SPTBN4: variants seen among roughly 807,000 people sequenced by gnomAD.
The protein encoded by SPTBN4 is spectrin beta chain, non-erythrocytic 4.
In SPTBN4, 96 loss-of-function variants were observed where a neutral mutation model predicts 277.8. The ratio of observed to expected loss-of-function variants is 0.35; its 90% CI spans 0.29 to 0.41. The LOEUF (loss-of-function observed/expected upper bound fraction) is 0.41. Among genes scored for constraint, SPTBN4 ranks in the 10% least tolerant of loss-of-function variants. The probability of loss-of-function intolerance (pLI) is 1.00; values close to 1 mark genes in which losing one functional copy is unlikely to be tolerated. For missense variants in SPTBN4, 3,006 were observed against 3,595.7 expected (o/e 0.84, Z 4.19); for synonymous variants, 1,481 against 1,580.3 (o/e 0.94, Z 1.49).
At chr19:40,525,806 G>A (rs1359961415) in intron 17 of SPTBN4, among the ~76,000 whole-genome samples, 1 of 152,194 alleles carries the variant, frequency 6.6e-6, no homozygotes, top group Non-Finnish European at 1.5e-5. Context: ...AGGCAGAAAG[G>A]TCAGGGCCCG....
rs763564291 is a variant in SPTBN4, at chr19:40,519,545, C to G, written c.3048C>G (p.Ala1016=). The G allele has an allele frequency of 1.3e-6, 2 of 1,576,144 alleles. No individual in the cohort carries two copies. Among genetic ancestry groups the G allele is most frequent in the African/African-American group, 1.4e-5 (1 of 72,466 alleles). The change falls in exon 16 of 36, where the codon GCC becomes GCG. Residue 1016 remains alanine (A), a synonymous_variant. Transcript: ENST00000598249. The surrounding 1 kb of genome is among the most constrained non-coding windows in gnomAD (Gnocchi z 5.7). The stretch of plus-strand genomic sequence containing the variant: ...GAGCTGTGGAGAGCGCGCCCCGGGC[C>G]GGCGGCGCCCTGCAGTGGCGTCTTA... ...KRRAVESAPR[A]GGALQWRLSG... is the part of the protein sequence containing the mutation.
chr19:40,570,784 C>T (rs1228961336), intron 33 of SPTBN4, 56 bp downstream of exon 33: 3 of 1,561,992 alleles, frequency 1.9e-6, no homozygotes, highest in East Asian at 2.3e-5. Flanking sequence ...GTGACCATTG[C>T]GTGGAGCGGT....
At chr19:40,534,047 C>T in intron 19 of SPTBN4, 33 bp from the exon 20 acceptor site, 1 of 1,575,096 alleles carries the variant, frequency 6.3e-7, no homozygotes, top group Non-Finnish European at 8.6e-7. Context: ...TATCTATCTT[C>T]TCCATCTCCT....
rs1410572863 is a variant in SPTBN4 at position 40,513,209 on chromosome 19, C to G, written c.2420C>G (p.Ser807Cys). 1 of 1,504,860 alleles carries G rather than the reference C, an allele frequency of 6.6e-7. No individual in the cohort carries two copies. Among genetic ancestry groups the G allele is most frequent in the East Asian group, 2.7e-5 (1 of 36,972 alleles). The allele number at this position is 1,504,860 out of a possible 1,614,324, so 93.2% of individuals were successfully genotyped here. The change falls in exon 14 of 36, where the codon TCC becomes TGC. Residue 807 changes from serine to cysteine, a missense_variant. Ser to Cys is a moderately radical substitution (Grantham distance 112). Around this residue, in one of 5 missense-constraint regions of SPTBN4, gnomAD observed 1,759 missense variants for 2,061.5 expected, o/e 0.85. Coordinates refer to ENST00000598249, the MANE Select transcript of SPTBN4 (RefSeq NM_020971.3). The part of the protein sequence containing the change: ...AAGDFGHDEA[S>C]SRRLARQHRA... ...GGTGACTTCGGCCACGACGAAGCTT[C>G]CAGCCGCCGCCTGGCGCGCCAGCAC...
chr19:40,570,633 C>A lies in SPTBN4; in HGVS notation c.7224C>A (p.Ala2408=). The change falls in exon 33 of 36, where the codon GCC becomes GCA. Residue 2408 remains alanine (A), a synonymous_variant. Coordinates refer to ENST00000598249, the MANE Select transcript of SPTBN4 (RefSeq NM_020971.3). ...SRSAPAQGGS[A]PAPPPPPTHT... is the part of the protein sequence containing the mutation. Reference sequence around the variant, plus strand: ...CCGCCCCGGCCCAGGGCGGCTCCGCCCCCGCGCCTCCGCCACCGCCCACTC... The same window carrying A: ...CCGCCCCGGCCCAGGGCGGCTCCGCACCCGCGCCTCCGCCACCGCCCACTC... 6.7e-7 allele frequency: 1 copy of A among 1,494,334 alleles called. No homozygotes were observed. Among genetic ancestry groups the A allele is most frequent in the South Asian group, 1.3e-5 (1 of 78,956 alleles). 92.6% of individuals were successfully genotyped at this position (1,494,334 alleles called of 1,614,324 possible). A position where few individuals can be genotyped will look rare whatever the true frequency, so the allele number is the denominator to read the frequency against.
At chr19:40,495,005 C>T in intron 6 of SPTBN4, 28 bp downstream of exon 6, 1 of 1,608,908 alleles carries the variant, frequency 6.2e-7, no homozygotes, top group Non-Finnish European at 8.5e-7. Context: ...ACAGCCCAGT[C>T]CTGCCCTTCA....
At chr19:40,480,551 A>G (rs2079999689) in intron 2 of SPTBN4, among the ~76,000 whole-genome samples, 1 of 152,174 alleles carries the variant, frequency 6.6e-6, no homozygotes, top group Non-Finnish European at 1.5e-5. Flanking sequence ...TGGTGTTTTA[A>G]CTTTCTGTAA....
At chr19:40,550,704 G>T (rs1424200596) in intron 22 of SPTBN4, among the ~76,000 whole-genome samples, 1 of 151,682 alleles carries the variant, frequency 6.6e-6, no homozygotes, top group East Asian at 1.9e-4. Flanking sequence ...ACGGCGGGGG[G>T]TGGGGTGTTT....
In SPTBN4 at chr19:40,560,007, A is replaced by T. The variant is rs1288565760; in HGVS notation, c.5671-152A>T. Reference sequence around the variant, plus strand: ...GTCAGAATGCGGGTAAGTCAAAGAGAAATCAGGCAGCAGATATGACAGGAG... The same window carrying T: ...GTCAGAATGCGGGTAAGTCAAAGAGTAATCAGGCAGCAGATATGACAGGAG... On this transcript the variant is annotated intron_variant, in intron 26 of 35. Transcript: ENST00000598249. This position sits in a 1 kb window ranked among gnomAD's most constrained non-coding sequence, Gnocchi z 5.2. 2.8e-6 allele frequency: 4 copies of T among 1,422,752 alleles called. No individual in the cohort carries two copies. Among genetic ancestry groups the T allele is most frequent in the South Asian group, 1.5e-5 (1 of 66,086 alleles). The allele number at this position is 1,422,752 out of a possible 1,614,324, so 88.1% of individuals were successfully genotyped here.
intron 30 of SPTBN4, among the ~76,000 whole-genome samples, chr19:40,567,340 A>C (rs964935764): frequency 1.3e-5 from 2 of 151,516 alleles, no homozygotes; most frequent in East Asian, 3.9e-4. Context: ...TAAATAAATA[A>C]ATAAAGTCTT....
chr19:40,519,803 C>A lies in SPTBN4; in HGVS notation c.3306C>A (p.Asp1102Glu). Residue 1102 changes from aspartate (D) to glutamate (E), a missense_variant, in exon 16 of 36, where the codon GAC becomes GAA. Physicochemically the swap from Asp to Glu is conservative, Grantham distance 45. Transcript: ENST00000598249. The surrounding 1 kb of genome is among the most constrained non-coding windows in gnomAD (Gnocchi z 5.7). ...TACATGACCTCGACGCTTTCCTGGA[C>A]TGGCTCGTGCGCGCCCAGGAGGCGG... The part of the protein sequence containing the change: ...RFLHDLDAFL[D>E]WLVRAQEAAG... 7.0e-7 allele frequency: 1 copy of A among 1,438,354 alleles called. No homozygotes were observed. Among genetic ancestry groups the A allele is most frequent in the Non-Finnish European group, 9.0e-7 (1 of 1,109,160 alleles). 89.1% of individuals were successfully genotyped at this position (1,438,354 alleles called of 1,614,324 possible).
intron 20 of SPTBN4, among the ~76,000 whole-genome samples, chr19:40,541,348 C>T (rs2080799772): frequency 6.6e-6 from 1 of 152,170 alleles, no homozygotes; most frequent in Non-Finnish European, 1.5e-5. Flanking sequence ...GAGGCAGGCT[C>T]CAGCACGAGA....
intron 2 of SPTBN4, among the ~76,000 whole-genome samples, chr19:40,475,158 T>C (rs1439313289): frequency 2.0e-5 from 3 of 152,034 alleles, no homozygotes; most frequent in Non-Finnish European, 4.4e-5. Flanking sequence ...TTCATAGAGG[T>C]CTGGAACCTT....
intron 20 of SPTBN4, among the ~76,000 whole-genome samples, chr19:40,543,110 A>G (rs1289007019): frequency 1.3e-5 from 2 of 152,102 alleles, no homozygotes; most frequent in South Asian, 2.1e-4. Context: ...TAGGAAGCCC[A>G]TGGGAAAGAG....
intron 20 of SPTBN4, 121 bp from the exon 21 acceptor site, chr19:40,549,068 A>G (rs949310659): frequency 1.3e-6 from 1 of 753,238 alleles, no homozygotes; most frequent in Non-Finnish European, 2.1e-6. Context: ...GGACTGAACA[A>G]GGAGAGGGTG....
chr19:40,477,520 G>T (rs1227394858), intron 2 of SPTBN4, among the ~76,000 whole-genome samples: 4 of 152,156 alleles, frequency 2.6e-5, no homozygotes, highest in African/African-American at 9.7e-5. Context: ...CAGAGACAGG[G>T]TAGGGGAGGC....
At chr19:40,500,999 G>T (rs1214632120) in intron 7 of SPTBN4, among the ~76,000 whole-genome samples, 1 of 152,154 alleles carries the variant, frequency 6.6e-6, no homozygotes, top group African/African-American at 2.4e-5. Context: ...ATTCTGGGAA[G>T]GACATCATAA....
chr19:40,536,575 C>T (rs2080739443), intron 20 of SPTBN4, among the ~76,000 whole-genome samples: 4 of 152,168 alleles, frequency 2.6e-5, no homozygotes, highest in Admixed American at 2.0e-4. Flanking sequence ...CAGGACCCCC[C>T]TTACACTCTT....
At chr19:40,545,777 C>T (rs576789698) in intron 20 of SPTBN4, among the ~76,000 whole-genome samples, 1 of 151,956 alleles carries the variant, frequency 6.6e-6, no homozygotes, top group South Asian at 2.1e-4. Context: ...CGTGGTGGCT[C>T]ACGCCTGTAA....
Sources: gnomAD v4.1 joint callset for allele counts (sites outside exome capture counted in the v4.1 genomes callset) on GRCh38, gnomAD v4.1.1 for gene constraint, gnomAD v4.1.1 regional missense constraint, Gnocchi (gnomAD v3.1) non-coding constraint, MANE v1.5 for transcripts, NCBI Gene and HGNC (gene_info 2026-07-23, HGNC 2026-07-21) for gene names.